Variants in DPH7 observed in about 807,000 individuals in gnomAD.
DPH7 encodes diphthine methyltransferase.
DPH7 carries 44 observed loss-of-function variants against 41.7 expected under a neutral mutation model. The ratio of observed to expected loss-of-function variants is 1.05; its 90% CI spans 0.83 to 1.36. DPH7 has a LOEUF of 1.36. Among genes scored for constraint, DPH7 ranks in the 40% most tolerant of loss-of-function variants. The probability of loss-of-function intolerance (pLI) is 0.00; values close to 1 mark genes in which losing one functional copy is unlikely to be tolerated. For synonymous variants in DPH7, 275 were observed against 238.0 expected, an observed-to-expected ratio of 1.16 and a Z score of -1.43; for missense variants, 629 against 577.5, an observed-to-expected ratio of 1.09 and a Z score of -0.91.
rs1445079070 is a variant in DPH7 at position 137,556,117 on chromosome 9, G to A, written c.950-469C>T. 2.6e-5 allele frequency among the ~76,000 whole-genome samples: 4 copies of A among 152,178 alleles called. No individual in the cohort carries two copies. Among genetic ancestry groups the A allele is most frequent in the African/African-American group, 4.8e-5 (2 of 41,458 alleles). Reference sequence around the variant, plus strand: ...TCAGTGAGTGACAGTGGGCTGGAGCGTCCCAAGCATGCAGGGTCCGGCACG... The same window carrying A: ...TCAGTGAGTGACAGTGGGCTGGAGCATCCCAAGCATGCAGGGTCCGGCACG... On this transcript the variant is annotated intron_variant, in intron 8 of 8. Coordinates refer to ENST00000277540, the MANE Select transcript of DPH7 (RefSeq NM_138778.5). The surrounding 1 kb of genome is among the most constrained non-coding windows in gnomAD (Gnocchi z 5.2).
intron 8 of DPH7, among the ~76,000 whole-genome samples, chr9:137,561,500 GC>G (rs1838587663): frequency 1.5e-5 from 2 of 130,660 alleles, no homozygotes; most frequent in Admixed American, 9.4e-5. Flanking sequence ...CCAAGATAGC[GC>G]CACTGCATTC....
rs71493678 is a variant in DPH7, at chr9:137,577,053, CAAAAA to C, written c.287+412_287+416del. Among the ~76,000 whole-genome samples the C allele has an allele frequency of 3.6e-5, 5 of 139,252 alleles. 1 individual carries two copies. Among genetic ancestry groups the C allele is most frequent in the African/African-American group, 1.3e-4 (5 of 37,522 alleles). 91.4% of individuals were successfully genotyped at this position (139,252 alleles called of 152,430 possible). On this transcript the variant is annotated intron_variant, in intron 2 of 8. Transcript: ENST00000277540. ...TGGGCAACGGAACAAAACCCTGCCT[CAAAAA>C]AAAAAAAATTAAAAAGGATAAAAAC...
chr9:137,555,802 G>A (rs1005739739), intron 8 of DPH7, among the ~76,000 whole-genome samples, 154 bp from the exon 9 acceptor site: 9 of 152,190 alleles, frequency 5.9e-5, no homozygotes, highest in Non-Finnish European at 8.8e-5. Flanking sequence ...GAACCAGCAA[G>A]ACCTGGGCAT....
chr9:137,578,650 T>C lies in DPH7; in HGVS notation c.128A>G (p.Asp43Gly). The change falls in exon 1 of 9, where the codon GAC becomes GGC. Residue 43 changes from aspartate (D) to glycine (G), a missense_variant. Asp to Gly is a moderately conservative substitution (Grantham distance 94). Transcript: ENST00000277540. ...CGTYQLRRPE[D>G]RPAGPQNKGG... is the part of the protein sequence containing the mutation. ...CTTGTTCTGGGGGCCGGCAGGCCGG[T>C]CCTCCGGCCGCCGCAGCTGGTAGGT... 1 of 1,491,414 alleles carries C rather than the reference T, an allele frequency of 6.7e-7. No homozygotes were observed. The highest frequency in any genetic ancestry group is 2.1e-5 in the Admixed American group (1 of 47,266). The allele number at this position is 1,491,414 out of a possible 1,614,324, so 92.4% of individuals were successfully genotyped here.
intron 8 of DPH7, among the ~76,000 whole-genome samples, chr9:137,558,899 G>A (rs765541225): frequency 2.6e-5 from 4 of 151,820 alleles, no homozygotes; most frequent in African/African-American, 7.3e-5. Flanking sequence ...CAGGTGATCC[G>A]CCCGCCTCAG....
At chr9:137,559,927 C>T (rs1838226351) in intron 8 of DPH7, among the ~76,000 whole-genome samples, 1 of 152,226 alleles carries the variant, frequency 6.6e-6, no homozygotes, top group African/African-American at 2.4e-5. Context: ...TTTATTTCTA[C>T]ACTCTCTCGT....
chr9:137,577,430 A>G, intron 2 of DPH7, 40 bp downstream of exon 2: 10 of 1,597,936 alleles, frequency 6.3e-6, no homozygotes, highest in Non-Finnish European at 8.6e-6. Flanking sequence ...ATTGCTACTC[A>G]TGACAAATTC....
intron 8 of DPH7, 73 bp from the exon 9 acceptor site, chr9:137,555,721 C>T (rs1837394895): frequency 6.7e-7 from 1 of 1,481,780 alleles, no homozygotes; most frequent in East Asian, 2.3e-5. Flanking sequence ...TCACACCTGA[C>T]AGGGAGACTC....
At position 137,556,505 on chromosome 9, in the gene DPH7, G is replaced by A; in HGVS notation, c.950-857C>T. 1 of 227,930 alleles carries A rather than the reference G, an allele frequency of 4.4e-6. No individual in the cohort carries two copies. Among genetic ancestry groups the A allele is most frequent in the Non-Finnish European group, 8.9e-6 (1 of 112,040 alleles). The allele number at this position is 227,930 out of a possible 1,614,324, so 14.1% of individuals were successfully genotyped here. ...AGTGCTGATGGAAGAAGGGCTGAGG[G>A]CAGAACAGGACCGCACTGGATTACA... On this transcript the variant is annotated intron_variant, in intron 8 of 8. Transcript: ENST00000277540. This position sits in a 1 kb window ranked among gnomAD's most constrained non-coding sequence, Gnocchi z 5.2.
In DPH7 at chr9:137,577,565, G is replaced by A. The variant is rs1334180588; in HGVS notation, c.192C>T (p.Gly64=). ...MEVKEPQVRL[G]RLFLYSFNDN... is the part of the protein sequence containing the mutation. The stretch of plus-strand genomic sequence containing the variant: ...CATTGAAACTGTACAGGAAGAGACG[G>A]CCTAAACGGACCTGAGGCTCCTTAA... Residue 64 remains glycine, a synonymous_variant, in exon 2 of 9, where the codon GGC becomes GGT. Coordinates refer to ENST00000277540, the MANE Select transcript of DPH7 (RefSeq NM_138778.5). 8 of 1,613,864 alleles carry A rather than the reference G, an allele frequency of 5.0e-6. No individual in the cohort carries two copies. The African/African-American group carries it at 8.0e-5, about 16-fold the overall frequency.
At position 137,564,898 on chromosome 9, in the gene DPH7, C is replaced by A; in HGVS notation, c.771G>T (p.Thr257=). The A allele has an allele frequency of 1.3e-6, 2 of 1,594,322 alleles. No homozygotes were observed. Among genetic ancestry groups the A allele is most frequent in the South Asian group, 1.1e-5 (1 of 88,724 alleles). The change falls in exon 7 of 9, where the codon ACG becomes ACT. Residue 257 remains threonine (T), a synonymous_variant. Coordinates refer to ENST00000277540, the MANE Select transcript of DPH7 (RefSeq NM_138778.5). ...SSPHREHILA[T]GSYDEHILLW... ...AGAGCCTCCTGGGGACTCACCTTCC[C>A]GTGGCCAGGATGTGCTCCCGATGAG... is the stretch of plus-strand genomic sequence containing the variant.
rs145464883 is a variant in DPH7 at position 137,576,097 on chromosome 9, G to A, written c.358C>T (p.Arg120Cys). 138 of 1,613,910 alleles carry A rather than the reference G, an allele frequency of 8.6e-5. No individual in the cohort carries two copies. Among genetic ancestry groups the A allele is most frequent in the Middle Eastern group, 3.3e-4 (2 of 6,062 alleles). The change falls in exon 3 of 9, where the codon CGC becomes TGC. Residue 120 changes from arginine (R) to cysteine (C), a missense_variant. Physicochemically the swap from Arg to Cys is radical, Grantham distance 180. Transcript: ENST00000277540. ...TCACTGACCTCAGATTCCACCAGGC[G>A]GAGCAGTTGTATGGATCCACTGGCA... ...ADASGSIQLL[R>C]LVESEKSHVL...
chr9:137,575,210 G>A (rs982480154), intron 3 of DPH7: 1 of 1,010,338 alleles, frequency 9.9e-7, no homozygotes, highest in African/African-American at 1.7e-5. Flanking sequence ...CAGGCCTCCA[G>A]GGCCACTGGA....
At chr9:137,575,965 A>T in intron 3 of DPH7, 115 bp downstream of exon 3, 1 of 1,551,842 alleles carries the variant, frequency 6.4e-7, no homozygotes, top group Non-Finnish European at 8.7e-7. Flanking sequence ...GTTTATATAT[A>T]GCTCACCATT....
intron 2 of DPH7, among the ~76,000 whole-genome samples, chr9:137,576,985 T>C (rs1268261530): frequency 6.6e-6 from 1 of 150,602 alleles, no homozygotes; most frequent in Non-Finnish European, 1.5e-5. Context: ...GCCCAGGAGT[T>C]CAAGGCTGCA....
At chr9:137,575,428 G>A in intron 3 of DPH7, 1 of 988,556 alleles carries the variant, frequency 1.0e-6, no homozygotes, top group Middle Eastern at 5.2e-4. Context: ...CTCCTCCCTT[G>A]GGCCCACAGC....
intron 1 of DPH7, 37 bp downstream of exon 1, chr9:137,578,588 G>GGCCCCC: frequency 1.4e-6 from 2 of 1,436,780 alleles, no homozygotes; most frequent in Non-Finnish European, 1.8e-6. Flanking sequence ...CTCGTGGCCG[G>GGCCCCC]CCCCGCCCTC....
chr9:137,564,400 C>A, intron 8 of DPH7, 34 bp downstream of exon 8: 1 of 1,594,178 alleles, frequency 6.3e-7, no homozygotes, highest in Non-Finnish European at 8.6e-7. Flanking sequence ...TGGTGCCCTG[C>A]CCTGAGGCCC....
At chr9:137,560,975 T>G (rs1838442153) in intron 8 of DPH7, among the ~76,000 whole-genome samples, 1 of 133,284 alleles carries the variant, frequency 7.5e-6, no homozygotes, top group South Asian at 2.3e-4. Flanking sequence ...TGGGCCGAGA[T>G]CGTGCCACTG....
Sources: gnomAD v4.1 joint callset for allele counts (sites outside exome capture counted in the v4.1 genomes callset) on GRCh38, gnomAD v4.1.1 for gene constraint, Gnocchi (gnomAD v3.1) non-coding constraint, MANE v1.5 for transcripts, NCBI Gene and HGNC (gene_info 2026-07-23, HGNC 2026-07-21) for gene names.